Variants in SMC5 observed in about 807,000 individuals in gnomAD.
The protein encoded by SMC5 is structural maintenance of chromosomes 5, also known as structural maintenance of chromosomes protein 5.
A neutral mutation model predicts 148.3 loss-of-function variants in SMC5; 88 were observed. The ratio of observed to expected loss-of-function variants is 0.59; its 90% confidence interval spans 0.50 to 0.71. The LOEUF (loss-of-function observed/expected upper bound fraction) is 0.71, where lower values mean the gene tolerates loss of function less well. Among genes scored for constraint, SMC5 ranks in the 30% least tolerant of loss-of-function variants. SMC5 has a pLI of 0.00. For missense variants in SMC5, 1,142 were observed against 1,298.9 expected (o/e 0.88, Z 1.86); for synonymous variants, 421 against 432.8 (o/e 0.97, Z 0.34).
At chr9:70,300,306 G>T in intron 10 of SMC5, 106 bp downstream of exon 10, 2 of 1,030,716 alleles carry the variant, frequency 1.9e-6, no homozygotes, top group Non-Finnish European at 1.4e-6. Flanking sequence ...TACATTATCA[G>T]ACTTGTGGCA....
At position 70,286,259 on chromosome 9, in the gene SMC5, G is replaced by A; in HGVS notation, c.1041G>A (p.Arg347=). Residue 347 remains arginine, a synonymous_variant, in exon 8 of 25, where the codon AGG becomes AGA. Coordinates refer to ENST00000361138, the MANE Select transcript of SMC5 (RefSeq NM_015110.4). Reference sequence around the variant, plus strand: ...AACAGAAGCAAGATGTTATAGAAAGGAAAGATAAACATGTAAGGTTTCATA... The same window carrying A: ...AACAGAAGCAAGATGTTATAGAAAGAAAAGATAAACATGTAAGGTTTCATA... ...KCKQKQDVIE[R]KDKHIEELQQ... 6.3e-7 allele frequency: 1 copy of A among 1,599,544 alleles called. No homozygotes were observed.
At chr9:70,262,607 G>C (rs1425632513) in intron 1 of SMC5, among the ~76,000 whole-genome samples, 1 of 152,246 alleles carries the variant, frequency 6.6e-6, no homozygotes, top group African/African-American at 2.4e-5. Context: ...CGTTTTAAAT[G>C]TGTTAAGTTT....
intron 13 of SMC5, among the ~76,000 whole-genome samples, chr9:70,316,607 G>A (rs1231226552): frequency 6.6e-6 from 1 of 151,936 alleles, no homozygotes; most frequent in African/African-American, 2.4e-5. Flanking sequence ...ACCAATTTTT[G>A]TCAAAGCTTT....
intron 11 of SMC5, among the ~76,000 whole-genome samples, chr9:70,308,636 C>G (rs932971793): frequency 2.0e-5 from 3 of 147,304 alleles, no homozygotes; most frequent in East Asian, 4.0e-4. Flanking sequence ...CTAATCTGTC[C>G]TACCATGAAA....
chr9:70,318,821 G>A lies in SMC5; in HGVS notation c.2008G>A (p.Asp670Asn), dbSNP rs1275717597. The change falls in exon 15 of 25, where the codon GAT (aspartate) becomes AAT (asparagine). Residue 670 changes from aspartate (D) to asparagine (N), a missense_variant. Physicochemically the swap from Asp to Asn is conservative, Grantham distance 23. This residue lies in a region of SMC5 where 743 missense variants were observed against 835.7 expected (regional missense o/e 0.89). Coordinates refer to ENST00000361138, the MANE Select transcript of SMC5 (RefSeq NM_015110.4). ...AATTCATAGAAAATTGCAAGCAGTGGATTCAGGGTTGATTGCCTTACGTGA... is the reference window on the plus strand; with the variant it reads ...AATTCATAGAAAATTGCAAGCAGTGAATTCAGGGTTGATTGCCTTACGTGA... ...KEIHRKLQAV[D>N]SGLIALRETS... 9 of 1,576,970 alleles carry A rather than the reference G, an allele frequency of 5.7e-6. No homozygotes were observed. Among genetic ancestry groups the A allele is most frequent in the East Asian group, 2.3e-5 (1 of 44,410 alleles).
At chr9:70,336,325 G>T (rs2036355429) in intron 17 of SMC5, among the ~76,000 whole-genome samples, 1 of 152,162 alleles carries the variant, frequency 6.6e-6, no homozygotes, top group Non-Finnish European at 1.5e-5. Context: ...GTTGCTAGCA[G>T]ATAAGCAACT....
chr9:70,276,680 G>T (rs1250550190), intron 3 of SMC5, among the ~76,000 whole-genome samples: 3 of 152,188 alleles, frequency 2.0e-5, no homozygotes, highest in Non-Finnish European at 4.4e-5. Context: ...GAAGAAGATG[G>T]ATGAATAGAT....
chr9:70,308,123 C>T (rs995247789), intron 11 of SMC5, among the ~76,000 whole-genome samples: 1 of 151,966 alleles, frequency 6.6e-6, no homozygotes, highest in Non-Finnish European at 1.5e-5. Context: ...ATCTAGAGAC[C>T]AGATAATATG....
chr9:70,291,791 T>C (rs2035066498), intron 8 of SMC5, among the ~76,000 whole-genome samples: 1 of 152,104 alleles, frequency 6.6e-6, no homozygotes, highest in South Asian at 2.1e-4. Context: ...GTAGATCAGA[T>C]AATGGCATTT....
At chr9:70,336,399 G>A (rs1173496211) in intron 17 of SMC5, among the ~76,000 whole-genome samples, 1 of 152,110 alleles carries the variant, frequency 6.6e-6, no homozygotes, top group Non-Finnish European at 1.5e-5. Flanking sequence ...GATATGCTAG[G>A]GCTGGGCAAA....
At chr9:70,290,716 G>A (rs2035033952) in intron 8 of SMC5, among the ~76,000 whole-genome samples, 1 of 152,006 alleles carries the variant, frequency 6.6e-6, no homozygotes, top group South Asian at 2.1e-4. Flanking sequence ...TAAAATCGCT[G>A]TTTTAATCCT....
chr9:70,309,430 G>A (rs563846368), intron 11 of SMC5, among the ~76,000 whole-genome samples: 4 of 139,510 alleles, frequency 2.9e-5, no homozygotes, highest in East Asian at 2.3e-4. Context: ...ATGAGCCACC[G>A]CGCCCAGCCT....
intron 13 of SMC5, among the ~76,000 whole-genome samples, chr9:70,317,003 A>G (rs896203367): frequency 3.3e-5 from 5 of 152,020 alleles, no homozygotes; most frequent in Admixed American, 3.3e-4. Context: ...TGCCTAACTC[A>G]GTTCTATGTT....
At chr9:70,317,979 A>G (rs1057480816) in intron 13 of SMC5, among the ~76,000 whole-genome samples, 1 of 134,602 alleles carries the variant, frequency 7.4e-6, no homozygotes, top group African/African-American at 3.2e-5. Flanking sequence ...TCTCTTCTTT[A>G]GATGTAACAA....
At chr9:70,307,249 C>T (rs1437235708) in intron 11 of SMC5, among the ~76,000 whole-genome samples, 10 of 151,984 alleles carry the variant, frequency 6.6e-5, no homozygotes, top group East Asian at 1.9e-4. Flanking sequence ...AAAAATTAAC[C>T]GGGTGGGGTG....
In SMC5 at chr9:70,305,269, A is replaced by C. The variant is rs745828965; in HGVS notation, c.1487A>C (p.Asn496Thr). The C allele has an allele frequency of 1.4e-5, 22 of 1,576,488 alleles. No individual in the cohort carries two copies. Among genetic ancestry groups the C allele is most frequent in the Non-Finnish European group, 1.9e-5 (22 of 1,150,836 alleles). ...TAGATCAATATGAAAGATAATAAAAATGCCAAATATATTGAAAATCATATT... is the reference window on the plus strand; with the variant it reads ...TAGATCAATATGAAAGATAATAAAACTGCCAAATATATTGAAAATCATATT... ...MLTINMKDNK[N>T]AKYIENHIPS... is the part of the protein sequence containing the mutation. Residue 496 changes from asparagine (N) to threonine (T), a missense_variant, in exon 11 of 25, where the codon AAT (asparagine) becomes ACT (threonine). Physicochemically the swap from Asn to Thr is moderately conservative, Grantham distance 65 (BLOSUM62 0). Around this residue, in one of 5 missense-constraint regions of SMC5, gnomAD observed 743 missense variants for 835.7 expected, o/e 0.89. Transcript: ENST00000361138.
At chr9:70,316,511 G>A (rs535260889) in intron 13 of SMC5, among the ~76,000 whole-genome samples, 1 of 152,076 alleles carries the variant, frequency 6.6e-6, no homozygotes, top group Non-Finnish European at 1.5e-5. Context: ...AAAACCAAAA[G>A]TAGAAGTCTC....
At chr9:70,313,035 T>C (rs946175670) in intron 11 of SMC5, among the ~76,000 whole-genome samples, 2 of 152,206 alleles carry the variant, frequency 1.3e-5, no homozygotes, top group Non-Finnish European at 2.9e-5. Flanking sequence ...TTTTCTTCAT[T>C]AGAATTTTTA....
At chr9:70,270,872 C>A (rs1016668528) in intron 3 of SMC5, among the ~76,000 whole-genome samples, 3 of 151,966 alleles carry the variant, frequency 2.0e-5, no homozygotes, top group Non-Finnish European at 4.4e-5. Flanking sequence ...GTCTTGAACT[C>A]CTGACCTCAA....
Sources: allele counts gnomAD v4.1 joint callset (sites outside exome capture counted in the v4.1 genomes callset), GRCh38; gene constraint gnomAD v4.1.1; regional missense constraint gnomAD v4.1.1; transcripts MANE v1.5; gene names NCBI Gene and HGNC (gene_info 2026-07-23, HGNC 2026-07-21).